Variants in ZNF746 observed in about 807,000 individuals in gnomAD.
The protein encoded by ZNF746 is zinc finger protein 746.
ZNF746 carries 13 observed loss-of-function variants against 41.0 expected under a neutral mutation model. That is an observed-to-expected ratio of 0.32 (90% confidence interval 0.21 to 0.50). The LOEUF (loss-of-function observed/expected upper bound fraction) is 0.50. ZNF746 is among the 20% of genes least tolerant of loss of function. ZNF746 has a pLI of 0.98. For missense variants in ZNF746, 811 were observed against 922.9 expected, an observed-to-expected ratio of 0.88 and a Z score of 1.57; for synonymous variants, 424 against 396.2, an observed-to-expected ratio of 1.07 and a Z score of -0.83.
intron 4 of ZNF746, among the ~76,000 whole-genome samples, chr7:149,485,487 T>A (rs1489000390): frequency 6.6e-6 from 1 of 152,186 alleles, no homozygotes; most frequent in Non-Finnish European, 1.5e-5. Context: ...TTCTGAAGGA[T>A]GAAGAACTTG....
intron 4 of ZNF746, chr7:149,488,903 A>C (rs1323972566): frequency 6.6e-6 from 1 of 152,250 alleles, no homozygotes; most frequent in Non-Finnish European, 1.5e-5. Context: ...GAGAGTGAAC[A>C]ATCAGAAAAA....
Position 149,497,632 on chromosome 7 carries a change from CG to C in ZNF746, c.-97del. The C allele has an allele frequency of 2.1e-6, 2 of 943,276 alleles. No individual in the cohort carries two copies. The highest frequency in any genetic ancestry group is 2.5e-6 in the Non-Finnish European group (2 of 786,400). 58.4% of individuals were successfully genotyped at this position (943,276 alleles called of 1,614,324 possible). On this transcript the variant is annotated 5_prime_UTR_variant, in exon 1 of 7. Coordinates refer to ENST00000458143, the MANE Select transcript of ZNF746 (RefSeq NM_001394198.1). This position sits in a 1 kb window ranked among gnomAD's most constrained non-coding sequence, Gnocchi z 4.2. ...CCGGCCGCCCGGTGCTCTCCGCAGG[CG>C]GCGCCTGCCTGGCCTTTCCTCTGCC...
chr7:149,493,388 G>T (rs1342349470), intron 3 of ZNF746, among the ~76,000 whole-genome samples: 12 of 152,188 alleles, frequency 7.9e-5, no homozygotes, highest in Admixed American at 7.9e-4. Flanking sequence ...CTCTCTAACA[G>T]GTCTCACTGC....
chr7:149,477,499 G>C, intron 5 of ZNF746, 65 bp downstream of exon 5: 3 of 1,515,384 alleles, frequency 2.0e-6, no homozygotes, highest in Non-Finnish European at 2.7e-6. Context: ...GCTGCCACGA[G>C]CCCTCCCCTG....
At chr7:149,483,405 G>A (rs962065530) in intron 4 of ZNF746, among the ~76,000 whole-genome samples, 34 of 152,154 alleles carry the variant, frequency 2.2e-4, no homozygotes, top group African/African-American at 8.2e-4. Context: ...TCAGGAGATC[G>A]AGATGATCCT....
chr7:149,477,432 C>T (rs977828952), intron 5 of ZNF746, 132 bp downstream of exon 5: 145 of 1,103,616 alleles, frequency 1.3e-4, no homozygotes, highest in Non-Finnish European at 1.6e-4. Flanking sequence ...TACCTCGAGA[C>T]GGGAAAATTT....
rs2116634011 is a variant in ZNF746 at position 149,474,843 on chromosome 7, A to G, written c.1524T>C (p.Ser508=). 2 of 1,417,042 alleles carry G rather than the reference A, an allele frequency of 1.4e-6. No homozygotes were observed. Among genetic ancestry groups the G allele is most frequent in the East Asian group, 2.9e-5 (1 of 33,964 alleles). The allele number at this position is 1,417,042 out of a possible 1,614,324, so 87.8% of individuals were successfully genotyped here. ...GPGTGGGGSG[S]GGGGGGSGGG... ...CACCGCTGCCGCCACCGCCGCCGCCACTGCCGCTGCCGCCACCGCCTGTGC... is the reference window on the plus strand; with the variant it reads ...CACCGCTGCCGCCACCGCCGCCGCCGCTGCCGCTGCCGCCACCGCCTGTGC... Residue 508 remains serine (S), a synonymous_variant, in exon 7 of 7, where the codon AGT becomes AGC. Coordinates refer to ENST00000458143, the MANE Select transcript of ZNF746 (RefSeq NM_001394198.1). This position sits in a 1 kb window ranked among gnomAD's most constrained non-coding sequence, Gnocchi z 6.3.
intron 4 of ZNF746, among the ~76,000 whole-genome samples, chr7:149,482,247 AATCCCCC>A (rs988148830): frequency 6.6e-6 from 1 of 152,198 alleles, no homozygotes; most frequent in Non-Finnish European, 1.5e-5. Flanking sequence ...AAACCAAACA[AATCCCCC>A]AGCTATCTGC....
chr7:149,483,926 G>A (rs1800551399), intron 4 of ZNF746, among the ~76,000 whole-genome samples: 1 of 152,082 alleles, frequency 6.6e-6, no homozygotes, highest in African/African-American at 2.4e-5. Flanking sequence ...AGATATAGAG[G>A]ATATTATGAA....
chr7:149,474,503 C>A lies in ZNF746; in HGVS notation c.1864G>T (p.Ala622Ser), dbSNP rs1800214011. 3.7e-6 allele frequency: 6 copies of A among 1,608,586 alleles called. No homozygotes were observed. Among genetic ancestry groups the A allele is most frequent in the Non-Finnish European group, 5.1e-6 (6 of 1,177,500 alleles). ...GGGCTCTTGAAGGGATCAGGAGGTG[C>A]GGGCGGCGTCGGGAGTGGCTGGCCT... ...ARGQPLPTPP[A>S]PPDPFKSPAS... Residue 622 changes from alanine (A) to serine (S), a missense_variant, in exon 7 of 7, where the codon GCA (alanine) becomes TCA (serine). Transcript: ENST00000458143. This position sits in a 1 kb window ranked among gnomAD's most constrained non-coding sequence, Gnocchi z 6.3.
intron 6 of ZNF746, 69 bp downstream of exon 6, chr7:149,476,853 G>C: frequency 6.2e-7 from 1 of 1,607,800 alleles, no homozygotes; most frequent in Non-Finnish European, 8.5e-7. Flanking sequence ...AGTGAAAATG[G>C]GATGCCTGGA....
At position 149,477,638 on chromosome 7, in the gene ZNF746, T is replaced by C. The variant is rs1309401719; in HGVS notation, c.683A>G (p.Asp228Gly). 1 of 1,613,894 alleles carries C rather than the reference T, an allele frequency of 6.2e-7. No homozygotes were observed. The highest frequency in any genetic ancestry group is 8.5e-7 in the Non-Finnish European group (1 of 1,179,952). The stretch of plus-strand genomic sequence containing the variant: ...GAGGCCCCAGGGCTCCTCCCCAATA[T>C]CTGGCTGCCCGGCTGCCCACGCCTC... Reference protein sequence around the residue: ...GVEAWAAGQPDIGEEPWGLSQ... With the variant: ...GVEAWAAGQPGIGEEPWGLSQ... The change falls in exon 5 of 7, where the codon GAT (aspartate) becomes GGT (glycine). Residue 228 changes from aspartate (D) to glycine (G), a missense_variant. Coordinates refer to ENST00000458143, the MANE Select transcript of ZNF746 (RefSeq NM_001394198.1).
Position 149,477,171 on chromosome 7 carries a change from G to A in ZNF746, c.758-124C>T, listed in dbSNP as rs961587566. On this transcript the variant is annotated intron_variant, in intron 5 of 6. Transcript: ENST00000458143. ...ACTGGGGGCTTTTCTGAGTGGGCAC[G>A]AGGACCCAACCTCTCTGAACCCAGT... 19 of 1,233,462 alleles carry A rather than the reference G, an allele frequency of 1.5e-5. No homozygotes were observed. The East Asian group carries it at 2.3e-4, about 15-fold the overall frequency. The allele number at this position is 1,233,462 out of a possible 1,614,324, so 76.4% of individuals were successfully genotyped here.
At chr7:149,488,506 G>C (rs1248026038) in intron 4 of ZNF746, 1 of 152,060 alleles carries the variant, frequency 6.6e-6, no homozygotes, top group East Asian at 1.9e-4. Flanking sequence ...TTTGTATCTA[G>C]AACACATACA....
chr7:149,493,954 T>A lies in ZNF746; in HGVS notation c.451+35A>T, dbSNP rs758551923. On this transcript the variant is annotated intron_variant, in intron 3 of 6. Coordinates refer to ENST00000458143, the MANE Select transcript of ZNF746 (RefSeq NM_001394198.1). ...GGGAGAATTCTGAGGACTTGCAAAA[T>A]CCCATTTAACAGAGAAATGAGTGTC... 3.1e-6 allele frequency: 5 copies of A among 1,613,956 alleles called. No homozygotes were observed. In the East Asian group the frequency reaches 8.9e-5, roughly 29 times the overall value.
chr7:149,475,761 T>C (rs1406010715), intron 6 of ZNF746, among the ~76,000 whole-genome samples: 6 of 152,168 alleles, frequency 3.9e-5, no homozygotes, highest in Non-Finnish European at 7.4e-5. Flanking sequence ...TAAGCATGAA[T>C]TGATCCTCAG....
chr7:149,475,574 G>A (rs1442812685), intron 6 of ZNF746, 91 bp from the exon 7 acceptor site: 31 of 1,519,946 alleles, frequency 2.0e-5, no homozygotes, highest in Non-Finnish European at 2.6e-5. Context: ...CAGCTGCCTG[G>A]CCAGACAAAC....
chr7:149,482,774 A>T (rs1386546812), intron 4 of ZNF746, among the ~76,000 whole-genome samples: 1 of 151,692 alleles, frequency 6.6e-6, no homozygotes, highest in Non-Finnish European at 1.5e-5. Context: ...CAATAACTCT[A>T]ATTTTTTAAG....
Position 149,474,274 on chromosome 7 carries a change from C to T in ZNF746, c.*110G>A. ...GTGATCATCAGTTCAGCAACTTGGACATTTGGTTCTCCCCGTCCCGCGTCT... is the reference window on the plus strand; with the variant it reads ...GTGATCATCAGTTCAGCAACTTGGATATTTGGTTCTCCCCGTCCCGCGTCT... On this transcript the variant is annotated 3_prime_UTR_variant, in exon 7 of 7. Coordinates refer to ENST00000458143, the MANE Select transcript of ZNF746 (RefSeq NM_001394198.1). This position sits in a 1 kb window ranked among gnomAD's most constrained non-coding sequence, Gnocchi z 6.3. 1 of 1,276,004 alleles carries T rather than the reference C, an allele frequency of 7.8e-7. No homozygotes were observed. Among genetic ancestry groups the T allele is most frequent in the South Asian group, 1.4e-5 (1 of 72,014 alleles). The allele number at this position is 1,276,004 out of a possible 1,614,324, so 79.0% of individuals were successfully genotyped here.
Sources: allele counts gnomAD v4.1 joint callset (sites outside exome capture counted in the v4.1 genomes callset), GRCh38; gene constraint gnomAD v4.1.1; non-coding constraint Gnocchi (gnomAD v3.1); transcripts MANE v1.5; gene names NCBI Gene and HGNC (gene_info 2026-07-23, HGNC 2026-07-21).